The following CDH13 variants were observed in gnomAD, a reference collection of about 807,000 sequenced individuals.
CDH13 encodes cadherin 13.
Under a neutral mutation model 63.8 loss-of-function variants are expected in CDH13, and 24 were observed. The observed-to-expected ratio is 0.38, with a 90% CI of 0.27 to 0.53. The LOEUF is 0.53. Among genes scored for constraint, CDH13 ranks in the 20% least tolerant of loss-of-function variants. The pLI is 0.85. For synonymous variants in CDH13, 503 were observed against 355.3 expected (o/e 1.42, Z -4.67); for missense variants, 1,049 against 903.1 (o/e 1.16, Z -2.07).
intron 1 of CDH13, among the ~76,000 whole-genome samples, chr16:82,663,426 C>G (rs182074457): frequency 6.6e-6 from 1 of 152,070 alleles, no homozygotes; most frequent in Non-Finnish European, 1.5e-5. Context: ...CTCAGATAAT[C>G]CACACGCCTC....
intron 6 of CDH13, among the ~76,000 whole-genome samples, chr16:83,469,604 T>C (rs1263875300): frequency 6.6e-6 from 1 of 152,170 alleles, no homozygotes; most frequent in East Asian, 1.9e-4. Context: ...ATCTTCATGC[T>C]GCAAGAAAAT....
chr16:82,793,959 T>C (rs778977538), intron 1 of CDH13, among the ~76,000 whole-genome samples: 1 of 151,880 alleles, frequency 6.6e-6, no homozygotes, highest in Non-Finnish European at 1.5e-5. Context: ...TTTTACTGGG[T>C]GGAAATAGCC....
intron 7 of CDH13, among the ~76,000 whole-genome samples, chr16:83,504,144 G>GC (rs1161191766): frequency 6.6e-6 from 1 of 152,148 alleles, no homozygotes; most frequent in Non-Finnish European, 1.5e-5. Context: ...AATAAAAGAT[G>GC]CCCGTTCCTC....
Position 83,712,302 on chromosome 16 carries a change from G to C in CDH13, c.1538+33841G>C, listed in dbSNP as rs148659633. On this transcript the variant is annotated intron_variant, in intron 10 of 13. Transcript: ENST00000567109. ...GTTTACAATAGCCGCCAGAGCACTG[G>C]GGGCTCTTGCGATCTCATGAGACCA... Among the ~76,000 whole-genome samples the C allele has an allele frequency of 3.6e-3, 551 of 152,272 alleles. 1 individual carries two copies. The highest frequency in any genetic ancestry group is 6.1e-3 in the Non-Finnish European group (418 of 68,010).
chr16:82,700,619 T>C (rs1397895986), intron 1 of CDH13, among the ~76,000 whole-genome samples: 1 of 152,070 alleles, frequency 6.6e-6, no homozygotes, highest in Non-Finnish European at 1.5e-5. Flanking sequence ...AACTTAATCA[T>C]TTCTAAGAAT....
chr16:83,300,536 G>A (rs1036922922), intron 5 of CDH13, among the ~76,000 whole-genome samples: 1 of 152,208 alleles, frequency 6.6e-6, no homozygotes, highest in African/African-American at 2.4e-5. Context: ...CAGTTCATGT[G>A]TTGGTTCAAC....
chr16:83,760,390 G>C (rs7187281), intron 11 of CDH13, among the ~76,000 whole-genome samples: 3 of 152,052 alleles, frequency 2.0e-5, no homozygotes, highest in Non-Finnish European at 4.4e-5. Flanking sequence ...CCCAAAACAC[G>C]AGTGCCAGAA....
At chr16:83,458,402 A>G (rs564724212) in intron 6 of CDH13, among the ~76,000 whole-genome samples, 1 of 152,278 alleles carries the variant, frequency 6.6e-6, no homozygotes, top group East Asian at 1.9e-4. Flanking sequence ...TCCCAACATC[A>G]TCGCCATTAA....
intron 5 of CDH13, among the ~76,000 whole-genome samples, chr16:83,218,370 C>A (rs994323263): frequency 6.6e-6 from 1 of 152,240 alleles, no homozygotes; most frequent in South Asian, 2.1e-4. Flanking sequence ...ATGTCCATCT[C>A]GGAAGCCTTG....
intron 4 of CDH13, among the ~76,000 whole-genome samples, chr16:83,215,357 G>T (rs1479059849): frequency 2.0e-5 from 3 of 151,802 alleles, no homozygotes; most frequent in Admixed American, 1.3e-4. Flanking sequence ...GGGATTACAG[G>T]CATGAGCCAC....
At chr16:82,862,945 A>G (rs1210646852) in intron 2 of CDH13, among the ~76,000 whole-genome samples, 1 of 152,162 alleles carries the variant, frequency 6.6e-6, no homozygotes, top group East Asian at 1.9e-4. Context: ...GGGGAATAAG[A>G]AAGACTATGA....
chr16:82,694,900 C>T (rs1425536149), intron 1 of CDH13, among the ~76,000 whole-genome samples: 1 of 152,104 alleles, frequency 6.6e-6, no homozygotes, highest in Non-Finnish European at 1.5e-5. Flanking sequence ...TCTTACTGAG[C>T]ATAACAGATG....
intron 1 of CDH13, among the ~76,000 whole-genome samples, chr16:82,655,183 CA>C (rs1378454205): frequency 6.6e-6 from 1 of 152,220 alleles, no homozygotes; most frequent in African/African-American, 2.4e-5. Context: ...GCAATGGGCA[CA>C]ACCAGGTTCC....
At chr16:83,329,713 C>G (rs1471555617) in intron 5 of CDH13, among the ~76,000 whole-genome samples, 1 of 152,150 alleles carries the variant, frequency 6.6e-6, no homozygotes, top group African/African-American at 2.4e-5. Context: ...AGTCACCATT[C>G]TACTTTCTAT....
chr16:82,934,132 T>A (rs1281021288), intron 2 of CDH13, among the ~76,000 whole-genome samples: 1 of 152,216 alleles, frequency 6.6e-6, no homozygotes, highest in Non-Finnish European at 1.5e-5. Context: ...CTAGCAGAGG[T>A]TCTGCATGAG....
intron 7 of CDH13, among the ~76,000 whole-genome samples, chr16:83,542,178 A>G (rs575557828): frequency 6.6e-6 from 1 of 152,148 alleles, no homozygotes; most frequent in South Asian, 2.1e-4. Flanking sequence ...TGAGGTGCAC[A>G]TACTAATATT....
chr16:83,467,582 A>T (rs557243017), intron 6 of CDH13, among the ~76,000 whole-genome samples: 69 of 152,308 alleles, frequency 4.5e-4, no homozygotes, highest in African/African-American at 1.6e-3. Context: ...GTCTTCCTCC[A>T]CGGAGTTGGT....
rs530046272 is a variant in CDH13 at position 83,490,048 on chromosome 16, C to CACACACACACACAG, written c.960+3394_960+3395insCACACACACACAGA. Among the ~76,000 whole-genome samples the CACACACACACACAG allele has an allele frequency of 2.6e-4, 39 of 150,274 alleles. 1 individual carries two copies. In the South Asian group the frequency reaches 7.6e-3, roughly 29 times the overall value. ...ACACACACACACACACACACACACA[C>CACACACACACACAG]AGCTCACCAGCACCTCTGGCTCTCA... On this transcript the variant is annotated intron_variant, in intron 7 of 13. Coordinates refer to ENST00000567109, the MANE Select transcript of CDH13 (RefSeq NM_001257.5).
chr16:83,109,507 C>T (rs887082896), intron 3 of CDH13, among the ~76,000 whole-genome samples: 2 of 152,084 alleles, frequency 1.3e-5, no homozygotes, highest in Non-Finnish European at 2.9e-5. Context: ...TGTGTCAAAC[C>T]CCTAATAAAT....
Sources: allele counts gnomAD v4.1 joint callset (sites outside exome capture counted in the v4.1 genomes callset), GRCh38; gene constraint gnomAD v4.1.1; transcripts MANE v1.5; gene names NCBI Gene and HGNC (gene_info 2026-07-23, HGNC 2026-07-21).